ARHGAP44: variants seen among roughly 807,000 people sequenced by gnomAD.
ARHGAP44 encodes Rho GTPase activating protein 44.
Under a neutral mutation model 106.8 loss-of-function variants are expected in ARHGAP44, and 43 were observed. The observed-to-expected ratio is 0.40, with a 90% confidence interval of 0.32 to 0.52. The LOEUF is 0.52. Ranked by LOEUF, ARHGAP44 falls within the 20% of genes least tolerant of loss-of-function variation. The pLI is 0.48. For missense variants in ARHGAP44, 866 were observed against 1,050.5 expected (o/e 0.82, Z 2.43); for synonymous variants, 439 against 410.3 (o/e 1.07, Z -0.85).
At chr17:12,849,568 C>CT (rs776346185) in intron 1 of ARHGAP44, among the ~76,000 whole-genome samples, 1,655 of 69,892 alleles carry the variant, frequency 0.024, 161 homozygotes, top group Non-Finnish European at 0.031. Flanking sequence ...TACTTTTGTC[C>CT]TTTTTTTTTT....
chr17:12,916,541 T>C (rs2240566), intron 5 of ARHGAP44, among the ~76,000 whole-genome samples: 36,202 of 152,050 alleles, frequency 0.24, 7,863 homozygotes, highest in African/African-American at 0.57. Flanking sequence ...CCCACCACCA[T>C]GCCCATTTAA....
intron 7 of ARHGAP44, among the ~76,000 whole-genome samples, chr17:12,939,324 C>T (rs1255685296): frequency 6.6e-6 from 1 of 151,922 alleles, no homozygotes; most frequent in Non-Finnish European, 1.5e-5. Flanking sequence ...CAGTGGGTAA[C>T]AGACAGATAA....
chr17:12,934,010 G>A (rs917215544), intron 7 of ARHGAP44, among the ~76,000 whole-genome samples: 3 of 151,834 alleles, frequency 2.0e-5, no homozygotes, highest in Middle Eastern at 3.2e-3. Context: ...CACCATGCCC[G>A]GCTAATTTTT....
chr17:12,802,967 A>ATT (rs2034160020), intron 1 of ARHGAP44, among the ~76,000 whole-genome samples: 2 of 31,674 alleles, frequency 6.3e-5, no homozygotes, highest in Non-Finnish European at 1.2e-4. Context: ...ATATATATAT[A>ATT]TATTTTTTTT....
At chr17:12,960,976 T>C (rs2039247913) in intron 16 of ARHGAP44, among the ~76,000 whole-genome samples, 1 of 152,152 alleles carries the variant, frequency 6.6e-6, no homozygotes, top group Admixed American at 6.5e-5. Flanking sequence ...ATTAACGCAG[T>C]TCCTATGTGA....
intron 19 of ARHGAP44, among the ~76,000 whole-genome samples, chr17:12,981,360 TG>T (rs1396625657): frequency 6.6e-6 from 1 of 151,750 alleles, no homozygotes; most frequent in African/African-American, 2.4e-5. Flanking sequence ...CCAGCACCAA[TG>T]GTTTCTCCTT....
intron 1 of ARHGAP44, among the ~76,000 whole-genome samples, chr17:12,801,206 A>G (rs563368990): frequency 4.5e-4 from 69 of 152,384 alleles, no homozygotes; most frequent in African/African-American, 1.5e-3. Flanking sequence ...GAATATGAAA[A>G]GTGGACAGAG....
At chr17:12,795,176 A>G (rs1474158136) in intron 1 of ARHGAP44, among the ~76,000 whole-genome samples, 2 of 152,206 alleles carry the variant, frequency 1.3e-5, no homozygotes, top group African/African-American at 4.8e-5. Context: ...TGCACATTGA[A>G]TGGGTCTCAG....
intron 1 of ARHGAP44, among the ~76,000 whole-genome samples, chr17:12,877,181 TAAGA>T (rs940964092): frequency 1.3e-5 from 2 of 152,208 alleles, no homozygotes; most frequent in African/African-American, 4.8e-5. Flanking sequence ...ATTTTGCAGT[TAAGA>T]TTTACCCAGC....
intron 1 of ARHGAP44, among the ~76,000 whole-genome samples, chr17:12,848,300 G>GA (rs2035629534): frequency 1.3e-5 from 2 of 151,590 alleles, no homozygotes; most frequent in Non-Finnish European, 2.9e-5. Context: ...TTTTTTTCCC[G>GA]AAAAAATGCC....
rs1354050732 is a variant in ARHGAP44 at position 12,789,796 on chromosome 17, C to A, written c.-43C>A. ...CCCTGCGGCGGGCTCCGGGCTGCTC[C>A]GTCCTTCCCCAGCTCCCGGGCTAGC... On this transcript the variant is annotated 5_prime_UTR_variant, in exon 1 of 21. Coordinates refer to ENST00000379672, the MANE Select transcript of ARHGAP44 (RefSeq NM_014859.6). 21 of 1,483,830 alleles carry A rather than the reference C, an allele frequency of 1.4e-5. No homozygotes were observed. The South Asian group carries it at 2.1e-4, about 15-fold the overall frequency. 91.9% of individuals were successfully genotyped at this position (1,483,830 alleles called of 1,614,324 possible). A position where few individuals can be genotyped will look rare whatever the true frequency, so the allele number is the denominator to read the frequency against.
At chr17:12,849,214 C>CGTGT (rs112920406) in intron 1 of ARHGAP44, among the ~76,000 whole-genome samples, 3,494 of 149,238 alleles carry the variant, frequency 0.023, 105 homozygotes, top group African/African-American at 0.067. Context: ...CTGAGGTGGG[C>CGTGT]GTGTGTGTGT....
chr17:12,794,013 G>C (rs1164576101), intron 1 of ARHGAP44, among the ~76,000 whole-genome samples: 1 of 152,204 alleles, frequency 6.6e-6, no homozygotes, highest in African/African-American at 2.4e-5. Context: ...TCAGAGGAGA[G>C]AGGAACAGCT....
At chr17:12,841,150 A>G (rs1238971859) in intron 1 of ARHGAP44, among the ~76,000 whole-genome samples, 1 of 152,212 alleles carries the variant, frequency 6.6e-6, no homozygotes, top group African/African-American at 2.4e-5. Flanking sequence ...CGCCTTTTCC[A>G]GTTTGCACAG....
At chr17:12,974,012 C>A in intron 17 of ARHGAP44, 77 bp from the exon 18 acceptor site, 1 of 1,445,312 alleles carries the variant, frequency 6.9e-7, no homozygotes, top group Non-Finnish European at 9.5e-7. Context: ...CGCGGACCTG[C>A]TTGAATGTGG....
chr17:12,796,991 T>G (rs2033944045), intron 1 of ARHGAP44, among the ~76,000 whole-genome samples: 1 of 152,156 alleles, frequency 6.6e-6, no homozygotes, highest in Non-Finnish European at 1.5e-5. Context: ...TTTTCTAAAG[T>G]CATGTTCACA....
chr17:12,949,346 A>G lies in ARHGAP44; in HGVS notation c.973+95A>G, dbSNP rs2038939213. 2 of 1,319,806 alleles carry G rather than the reference A, an allele frequency of 1.5e-6. No individual in the cohort carries two copies. Among genetic ancestry groups the G allele is most frequent in the Admixed American group, 2.0e-5 (1 of 49,772 alleles). 81.8% of individuals were successfully genotyped at this position (1,319,806 alleles called of 1,614,324 possible). The stretch of plus-strand genomic sequence containing the variant: ...GCTACAAGTCCAGGACACTCAAGTC[A>G]GTGGCTGCCCAAAGCACTTCAGATG... On this transcript the variant is annotated intron_variant, in intron 11 of 20. Transcript: ENST00000379672. This position sits in a 1 kb window ranked among gnomAD's most constrained non-coding sequence, Gnocchi z 4.1.
chr17:12,862,415 A>G lies in ARHGAP44; in HGVS notation c.54-32525A>G, dbSNP rs191553940. 2.6e-5 allele frequency among the ~76,000 whole-genome samples: 4 copies of G among 152,294 alleles called. No individual in the cohort carries two copies. In the East Asian group the frequency reaches 7.7e-4, roughly 29 times the overall value. On this transcript the variant is annotated intron_variant, in intron 1 of 20. Transcript: ENST00000379672. ...TGTCCTCCTCCTGAGTTGGTAACGC[A>G]GGCACAACATAAATGAATTCCTCCT...
At chr17:12,898,133 G>T (rs1242736745) in intron 3 of ARHGAP44, among the ~76,000 whole-genome samples, 1 of 152,126 alleles carries the variant, frequency 6.6e-6, no homozygotes, top group Non-Finnish European at 1.5e-5. Flanking sequence ...AGGAGGTAAA[G>T]GAGGGGACTG....
Sources: allele counts gnomAD v4.1 joint callset (sites outside exome capture counted in the v4.1 genomes callset), GRCh38; gene constraint gnomAD v4.1.1; non-coding constraint Gnocchi (gnomAD v3.1); transcripts MANE v1.5; gene names NCBI Gene and HGNC (gene_info 2026-07-23, HGNC 2026-07-21).